Variants in PWWP2A observed in about 807,000 individuals in gnomAD.
PWWP2A encodes the protein PWWP domain containing 2A.
Under a neutral mutation model 48.5 loss-of-function variants are expected in PWWP2A, and 18 were observed. The ratio of observed to expected loss-of-function variants is 0.37; its 90% CI spans 0.26 to 0.55. PWWP2A has a LOEUF of 0.55. Among genes scored for constraint, PWWP2A ranks in the 20% least tolerant of loss-of-function variants. The probability of loss-of-function intolerance (pLI) is 0.81; values close to 1 mark genes in which losing one functional copy is unlikely to be tolerated. For synonymous variants in PWWP2A, 396 were observed against 387.7 expected (o/e 1.02, Z -0.25); for missense variants, 867 against 976.4 (o/e 0.89, Z 1.49).
In PWWP2A at chr5:160,119,225, T is replaced by A. The variant is rs761850406; in HGVS notation, c.164A>T (p.Asp55Val). The A allele has an allele frequency of 3.5e-6, 5 of 1,438,004 alleles. No homozygotes were observed. The highest frequency in any genetic ancestry group is 3.6e-6 in the Non-Finnish European group (4 of 1,108,902). 89.1% of individuals were successfully genotyped at this position (1,438,004 alleles called of 1,614,324 possible). A position where few individuals can be genotyped will look rare whatever the true frequency, so the allele number is the denominator to read the frequency against. ...TEASVPDGET[D>V]GQQSAPQADE... ...GGCCTGAGGAGCGGATTGCTGCCCG[T>A]CAGTCTCGCCATCCGGCACAGACGC... is the stretch of plus-strand genomic sequence containing the variant. Residue 55 changes from aspartate (D) to valine (V), a missense_variant, in exon 1 of 2, where the codon GAC becomes GTC. Asp to Val is a radical substitution (Grantham distance 152). Coordinates refer to ENST00000307063, the MANE Select transcript of PWWP2A (RefSeq NM_001130864.2).
downstream of PWWP2A, among the ~76,000 whole-genome samples, chr5:160,087,111 T>C (rs1228120061): frequency 6.6e-6 from 1 of 152,128 alleles, no homozygotes; most frequent in African/African-American, 2.4e-5. Context: ...GCACGGTGGC[T>C]CATGCCTATA....
At chr5:160,063,238 G>GT (rs1453639325) in intron 5 of PWWP2A, among the ~76,000 whole-genome samples, 3 of 151,978 alleles carry the variant, frequency 2.0e-5, no homozygotes, top group African/African-American at 2.4e-5. Flanking sequence ...AAGGCCATGC[G>GT]TTTTTTTTGC....
chr5:160,085,503 TTC>T (rs1260821766), intron 2 of PWWP2A, among the ~76,000 whole-genome samples: 2 of 126,908 alleles, frequency 1.6e-5, no homozygotes, highest in Non-Finnish European at 3.2e-5. Flanking sequence ...AACTGTCACA[TTC>T]TTTTTTTTTT....
intron 1 of PWWP2A, among the ~76,000 whole-genome samples, chr5:160,111,548 C>G (rs975260778): frequency 6.6e-6 from 1 of 151,794 alleles, no homozygotes; most frequent in Non-Finnish European, 1.5e-5. Flanking sequence ...GTGGGAGGAT[C>G]ACTTGGACCC....
chr5:160,051,033 C>A, the PWWP2A span: 1 of 931,084 alleles, frequency 1.1e-6, no homozygotes, highest in Non-Finnish European at 1.6e-6. Context: ...CTTATTTCCA[C>A]ATTAGGATTC....
Position 160,092,491 on chromosome 5 carries a change from A to C in PWWP2A, c.2159T>G (p.Phe720Cys). 6.4e-7 allele frequency: 1 copy of C among 1,551,686 alleles called. No individual in the cohort carries two copies. The highest frequency in any genetic ancestry group is 8.7e-7 in the Non-Finnish European group (1 of 1,146,988). ...SPFLENFQSR[F>C]NKKRKGLYRK... is the part of the protein sequence containing the mutation. ...ATACAGGCCCTTTCTCTTCTTATTA[A>C]AGCGTGACTGGAAGTTTTCTAAAAA... Residue 720 changes from phenylalanine (F) to cysteine (C), a missense_variant, in exon 2 of 2, where the codon TTT (phenylalanine) becomes TGT (cysteine). Coordinates refer to ENST00000307063, the MANE Select transcript of PWWP2A (RefSeq NM_001130864.2).
the PWWP2A span, chr5:160,049,653 A>G: frequency 6.3e-7 from 1 of 1,577,142 alleles, no homozygotes; most frequent in Non-Finnish European, 8.6e-7. Context: ...AAGCAAGAGA[A>G]GCTTGTATGG....
At chr5:160,053,670 T>C in the PWWP2A span, among the ~76,000 whole-genome samples, 1 of 152,238 alleles carries the variant, frequency 6.6e-6, no homozygotes, top group Non-Finnish European at 1.5e-5. Flanking sequence ...TGTGGTTCCA[T>C]ACAAATTTTA....
chr5:160,062,945 C>A (rs1753469485), intron 5 of PWWP2A, among the ~76,000 whole-genome samples: 1 of 152,200 alleles, frequency 6.6e-6, no homozygotes, highest in East Asian at 1.9e-4. Flanking sequence ...TCCCTCTACG[C>A]CCATGTGCCC....
At chr5:160,103,082 GTCT>G (rs1397682007) in intron 1 of PWWP2A, among the ~76,000 whole-genome samples, 1 of 152,150 alleles carries the variant, frequency 6.6e-6, no homozygotes, top group Non-Finnish European at 1.5e-5. Flanking sequence ...GGAGAATGAT[GTCT>G]TCAACTCAGT....
At chr5:160,116,651 A>C in intron 1 of PWWP2A, 1 of 985,036 alleles carries the variant, frequency 1.0e-6, no homozygotes, top group Non-Finnish European at 1.2e-6. Flanking sequence ...CACTAACACA[A>C]TGAGCACTTA....
At chr5:160,059,293 G>A (rs1188960524), downstream of PWWP2A, among the ~76,000 whole-genome samples, 4 of 152,200 alleles carry the variant, frequency 2.6e-5, no homozygotes, top group Admixed American at 2.6e-4. Flanking sequence ...GTCAGCCTTT[G>A]CTGCTTCACT....
At chr5:160,101,411 G>A (rs924871554) in intron 1 of PWWP2A, among the ~76,000 whole-genome samples, 1 of 152,132 alleles carries the variant, frequency 6.6e-6, no homozygotes, top group African/African-American at 2.4e-5. Flanking sequence ...CATTAAGTAA[G>A]CCAATCATAA....
chr5:160,109,771 AAAAATATATATATATAT>A (rs1373381536), intron 1 of PWWP2A, among the ~76,000 whole-genome samples: 11 of 45,002 alleles, frequency 2.4e-4, no homozygotes, highest in Admixed American at 1.9e-3. Flanking sequence ...AAAAAAAAAA[AAAAATATATATATATAT>A]ATATATATAT....
chr5:160,092,667 G>C lies in PWWP2A; in HGVS notation c.1983C>G (p.Ala661=), dbSNP rs1755202143. The C allele has an allele frequency of 6.4e-7, 1 of 1,551,658 alleles. No homozygotes were observed. The highest frequency in any genetic ancestry group is 8.7e-7 in the Non-Finnish European group (1 of 1,146,994). The change falls in exon 2 of 2, where the codon GCC becomes GCG. Residue 661 remains alanine (A), a synonymous_variant. Coordinates refer to ENST00000307063, the MANE Select transcript of PWWP2A (RefSeq NM_001130864.2). ...GCCACCAAGGGAAGCCATATATCTTGGCCCAAACAATGTCCCCTACACATA... is the reference window on the plus strand; with the variant it reads ...GCCACCAAGGGAAGCCATATATCTTCGCCCAAACAATGTCCCCTACACATA... ...RTICVGDIVW[A]KIYGFPWWPA...
chr5:160,110,026 T>G (rs1302306735), intron 1 of PWWP2A, among the ~76,000 whole-genome samples: 1 of 151,030 alleles, frequency 6.6e-6, no homozygotes, highest in Non-Finnish European at 1.5e-5. Context: ...GTCCTTTTTT[T>G]TTTTCTTTTT....
At chr5:160,085,209 AG>A (rs746688423) in intron 2 of PWWP2A, among the ~76,000 whole-genome samples, 47 of 152,088 alleles carry the variant, frequency 3.1e-4, no homozygotes, top group Admixed American at 1.4e-3. Context: ...TTGTATTTTT[AG>A]TACAGACAGG....
At chr5:160,108,652 C>T in intron 1 of PWWP2A, 1 of 1,131,780 alleles carries the variant, frequency 8.8e-7, no homozygotes, top group South Asian at 1.3e-5. Flanking sequence ...GTTTATATTT[C>T]CTCAAAAAAC....
intron 1 of PWWP2A, among the ~76,000 whole-genome samples, chr5:160,111,188 A>G (rs1757530989): frequency 6.6e-6 from 1 of 151,914 alleles, no homozygotes; most frequent in Non-Finnish European, 1.5e-5. Context: ...TTTTTTTGAG[A>G]CAGAGTTTTG....
Sources: gnomAD v4.1 joint callset for allele counts (sites outside exome capture counted in the v4.1 genomes callset) on GRCh38, gnomAD v4.1.1 for gene constraint, MANE v1.5 for transcripts, NCBI Gene and HGNC (gene_info 2026-07-23, HGNC 2026-07-21) for gene names.